Variants in SH3PXD2B observed in about 807,000 individuals in gnomAD.
SH3PXD2B encodes SH3 and PX domains 2B, also known as SH3 and PX domain-containing protein 2B.
In SH3PXD2B, 37 loss-of-function variants were observed where a neutral mutation model predicts 73.1. That is an observed-to-expected ratio of 0.51 (90% confidence interval 0.39 to 0.67). The LOEUF (loss-of-function observed/expected upper bound fraction) is 0.67, where lower values mean the gene tolerates loss of function less well. Among genes scored for constraint, SH3PXD2B ranks in the 30% least tolerant of loss-of-function variants. SH3PXD2B has a pLI of 0.00. For missense variants in SH3PXD2B, 1,053 were observed against 1,197.8 expected, an observed-to-expected ratio of 0.88 and a Z score of 1.78; for synonymous variants, 457 against 480.5, an observed-to-expected ratio of 0.95 and a Z score of 0.64.
intron 3 of SH3PXD2B, among the ~76,000 whole-genome samples, chr5:172,398,961 G>C (rs1352671147): frequency 6.6e-6 from 1 of 152,172 alleles, no homozygotes; most frequent in Non-Finnish European, 1.5e-5. Flanking sequence ...TGATTTAGTG[G>C]AGTGGTGTTT....
At chr5:172,440,305 C>T (rs2569211) in intron 1 of SH3PXD2B, among the ~76,000 whole-genome samples, 39,540 of 152,150 alleles carry the variant, frequency 0.26, 5,748 homozygotes, top group Non-Finnish European at 0.34. Context: ...CACAATCACC[C>T]GCCTGGGTTT....
intron 4 of SH3PXD2B, among the ~76,000 whole-genome samples, chr5:172,388,889 A>G (rs1477831706): frequency 6.6e-6 from 1 of 152,188 alleles, no homozygotes; most frequent in African/African-American, 2.4e-5. Flanking sequence ...GACAAGGAAG[A>G]GCTGAACCTT....
chr5:172,400,383 G>A (rs1758398344), intron 3 of SH3PXD2B, among the ~76,000 whole-genome samples: 1 of 152,162 alleles, frequency 6.6e-6, no homozygotes, highest in Non-Finnish European at 1.5e-5. Context: ...ATGCCTGGAG[G>A]CTACTTATTT....
In SH3PXD2B at chr5:172,339,121, C is replaced by T. The variant is rs752042835; in HGVS notation, c.1984G>A (p.Asp662Asn). The T allele has an allele frequency of 4.1e-5, 66 of 1,614,092 alleles. 1 individual carries two copies. The South Asian group carries it at 4.2e-4, about 10-fold the overall frequency. ...AGCTTACTCCTGAGGTTGCAGATGT[C>T]GACTTGGTCTTCGCCCTGAGGTGGC... is the stretch of plus-strand genomic sequence containing the variant. ...TEPPQGEDQV[D>N]ICNLRSKLRP... The change falls in exon 13 of 13, where the codon GAC becomes AAC. Residue 662 changes from aspartate (D) to asparagine (N), a missense_variant. Coordinates refer to ENST00000311601, the MANE Select transcript of SH3PXD2B (RefSeq NM_001017995.3). This position sits in a 1 kb window ranked among gnomAD's most constrained non-coding sequence, Gnocchi z 6.1.
At position 172,334,112 on chromosome 5, in the gene SH3PXD2B, C is replaced by T; in HGVS notation, c.*4257G>A. The T allele has an allele frequency of 9.0e-7, 1 of 1,115,902 alleles. No individual in the cohort carries two copies. The highest frequency in any genetic ancestry group is 1.7e-5 in the African/African-American group (1 of 58,666). 69.1% of individuals were successfully genotyped at this position (1,115,902 alleles called of 1,614,324 possible). On this transcript the variant is annotated 3_prime_UTR_variant, in exon 13 of 13. Coordinates refer to ENST00000311601, the MANE Select transcript of SH3PXD2B (RefSeq NM_001017995.3). ...TCATCCCTGATTGGAGCTAAGAAGG[C>T]TTACTTTGGAGTCGAGGATAGAAAC...
intron 10 of SH3PXD2B, 124 bp downstream of exon 10, chr5:172,350,239 C>T: frequency 1.1e-6 from 1 of 926,698 alleles, no homozygotes. Context: ...CCTCTGTTTT[C>T]TTATCTGGAG....
At chr5:172,384,940 G>T (rs1758026409) in intron 4 of SH3PXD2B, among the ~76,000 whole-genome samples, 1 of 152,144 alleles carries the variant, frequency 6.6e-6, no homozygotes, top group Non-Finnish European at 1.5e-5. Context: ...TGACTAAAGG[G>T]CTCACCGATT....
chr5:172,344,463 C>T (rs193236336), intron 12 of SH3PXD2B, among the ~76,000 whole-genome samples: 1 of 152,042 alleles, frequency 6.6e-6, no homozygotes, highest in East Asian at 1.9e-4. Flanking sequence ...TGTTGGGCGC[C>T]TGTAATCCCA....
Position 172,333,575 on chromosome 5 carries a change from G to C in SH3PXD2B, c.*4794C>G. 1 of 1,237,008 alleles carries C rather than the reference G, an allele frequency of 8.1e-7. No individual in the cohort carries two copies. 76.6% of individuals were successfully genotyped at this position (1,237,008 alleles called of 1,614,324 possible). ...AAAAGGAAAGAAGTCAAATGGTAAA[G>C]TATATAGCCTACACATGCTACAGCT... On this transcript the variant is annotated 3_prime_UTR_variant, in exon 13 of 13. Coordinates refer to ENST00000311601, the MANE Select transcript of SH3PXD2B (RefSeq NM_001017995.3).
intron 5 of SH3PXD2B, among the ~76,000 whole-genome samples, chr5:172,378,188 C>T (rs1271853358): frequency 6.6e-6 from 1 of 152,236 alleles, no homozygotes; most frequent in Non-Finnish European, 1.5e-5. Flanking sequence ...CTCCCAAGCA[C>T]AGCAGCTGCC....
intron 5 of SH3PXD2B, 75 bp from the exon 6 acceptor site, chr5:172,373,890 G>A (rs1196735985): frequency 1.5e-5 from 23 of 1,538,720 alleles, no homozygotes; most frequent in Middle Eastern, 3.5e-4. Context: ...TTATTCTGCC[G>A]GGAAACTGAG....
chr5:172,332,420 CT>C (rs11320850), downstream of SH3PXD2B, among the ~76,000 whole-genome samples: 90,608 of 142,200 alleles, frequency 0.64, 28,693 homozygotes, highest in South Asian at 0.83. Context: ...CACCTGGCTA[CT>C]TTTTTTTTTT....
Position 172,325,345 on chromosome 5 carries a change from T to G in SH3PXD2B, c.1224A>C (p.Glu408Asp), listed in dbSNP as rs948279961. The G allele has an allele frequency of 4.2e-5, 65 of 1,535,496 alleles. No homozygotes were observed. In the Admixed American group the frequency reaches 1.1e-3, roughly 26 times the overall value. Residue 408 changes from glutamate (E) to aspartate (D), a missense_variant, in exon 13 of 13, where the codon GAA becomes GAC. Physicochemically the swap from Glu to Asp is conservative, Grantham distance 45. Coordinates refer to the SH3PXD2B transcript ENST00000519643. Reference sequence around the variant, plus strand: ...GCATCTTGATTCTTCTAAGAGGGACTTCCACAGGGCTCTCCAAGTGAACAT... The same window carrying G: ...GCATCTTGATTCTTCTAAGAGGGACGTCCACAGGGCTCTCCAAGTGAACAT...
chr5:172,395,963 G>A (rs997337089), intron 3 of SH3PXD2B, among the ~76,000 whole-genome samples: 2 of 152,082 alleles, frequency 1.3e-5, no homozygotes, highest in African/African-American at 2.4e-5. Flanking sequence ...AGGCTGGCAA[G>A]GTGAAGAGAG....
chr5:172,346,388 C>G (rs1331907877), intron 11 of SH3PXD2B, 127 bp from the exon 12 acceptor site: 1 of 1,439,888 alleles, frequency 6.9e-7, no homozygotes, highest in Non-Finnish European at 9.6e-7. Flanking sequence ...TAGTTGGATT[C>G]TAAGGGACAA....
intron 6 of SH3PXD2B, among the ~76,000 whole-genome samples, chr5:172,364,905 C>A (rs573515729): frequency 6.6e-6 from 1 of 152,220 alleles, no homozygotes; most frequent in Admixed American, 6.5e-5. Context: ...TCCACGAGCA[C>A]ACCACTGCAC....
intron 4 of SH3PXD2B, among the ~76,000 whole-genome samples, chr5:172,391,935 T>G (rs1344248899): frequency 6.6e-6 from 1 of 152,204 alleles, no homozygotes; most frequent in Non-Finnish European, 1.5e-5. Flanking sequence ...TTCTAGAAGT[T>G]TTACAGTTTT....
rs747705663 is a variant in SH3PXD2B, at chr5:172,434,782, G to GTTTTTTTTTTTTTGGTT, written c.76-12287_76-12286insAACCAAAAAAAAAAAAA. On this transcript the variant is annotated intron_variant, in intron 1 of 12. Transcript: ENST00000311601. ...TGGTCCTGGGATGCAATGGCCAATG[G>GTTTTTTTTTTTTTGGTT]TTTTTTTTTTTTTTTTTTTCAGACA... is the stretch of plus-strand genomic sequence containing the variant. 9.0e-3 allele frequency among the ~76,000 whole-genome samples: 598 copies of GTTTTTTTTTTTTTGGTT among 66,270 alleles called. 8 individuals carry two copies. The highest frequency in any genetic ancestry group is 0.026 in the African/African-American group (570 of 21,616). The allele number at this position is 66,270 out of a possible 152,430, so 43.5% of individuals were successfully genotyped here.
chr5:172,383,625 T>C (rs1757996207), intron 4 of SH3PXD2B, among the ~76,000 whole-genome samples: 1 of 152,212 alleles, frequency 6.6e-6, no homozygotes, highest in Non-Finnish European at 1.5e-5. Flanking sequence ...ATACATTTTG[T>C]TGCACACACC....
Sources: allele counts gnomAD v4.1 joint callset (sites outside exome capture counted in the v4.1 genomes callset), GRCh38; gene constraint gnomAD v4.1.1; non-coding constraint Gnocchi (gnomAD v3.1); transcripts MANE v1.5; gene names NCBI Gene and HGNC (gene_info 2026-07-23, HGNC 2026-07-21).